The following WT1 variants were observed in gnomAD, a reference collection of about 807,000 sequenced individuals.
WT1 encodes Wilms tumor protein.
A neutral mutation model predicts 60.8 loss-of-function variants in WT1; 8 were observed. The observed-to-expected ratio is 0.13, with a 90% confidence interval of 0.08 to 0.24. The LOEUF is 0.24. Ranked by LOEUF, WT1 falls within the 10% of genes least tolerant of loss-of-function variation. The pLI is 1.00. For synonymous variants in WT1, 312 were observed against 297.1 expected, an observed-to-expected ratio of 1.05 and a Z score of -0.52; for missense variants, 568 against 711.8, an observed-to-expected ratio of 0.80 and a Z score of 2.30.
intron 5 of WT1, among the ~76,000 whole-genome samples, chr11:32,413,495 T>A (rs1002390424): frequency 6.6e-6 from 1 of 152,066 alleles, no homozygotes; most frequent in Non-Finnish European, 1.5e-5. Flanking sequence ...TCTACTGGAA[T>A]TACAGATTCA....
chr11:32,423,616 G>A (rs1396560133), intron 3 of WT1, among the ~76,000 whole-genome samples: 1 of 152,200 alleles, frequency 6.6e-6, no homozygotes, highest in Non-Finnish European at 1.5e-5. Context: ...CAAGTGCAGA[G>A]GGTAGGAGGA....
At chr11:32,418,037 T>C (rs1852734304) in intron 3 of WT1, among the ~76,000 whole-genome samples, 1 of 151,958 alleles carries the variant, frequency 6.6e-6, no homozygotes, top group South Asian at 2.1e-4. Context: ...AGACAGCAGA[T>C]TAATTATTCG....
intron 6 of WT1, among the ~76,000 whole-genome samples, chr11:32,399,304 T>C (rs1032176568): frequency 6.6e-6 from 1 of 152,160 alleles, no homozygotes; most frequent in Non-Finnish European, 1.5e-5. Flanking sequence ...CATGGCATTA[T>C]GCATTTTTCA....
intron 5 of WT1, among the ~76,000 whole-genome samples, chr11:32,402,610 ATCATAGCTCACTGCAGCCTTGAATT>A (rs1489271714): frequency 6.6e-6 from 1 of 152,216 alleles, no homozygotes; most frequent in African/African-American, 2.4e-5. Flanking sequence ...TAGTGGTGCG[ATCATAGCTCACTGCAGCCTTGAATT>A]CCCTGGCTCA....
At chr11:32,421,774 C>T (rs1158086261) in intron 3 of WT1, among the ~76,000 whole-genome samples, 7 of 152,186 alleles carry the variant, frequency 4.6e-5, no homozygotes, top group Non-Finnish European at 8.8e-5. Context: ...ACTCTTCAAA[C>T]GCATGTGTGA....
intron 1 of WT1, among the ~76,000 whole-genome samples, chr11:32,429,422 G>C (rs1160275167): frequency 6.6e-6 from 1 of 150,446 alleles, no homozygotes; most frequent in Non-Finnish European, 1.5e-5. Flanking sequence ...GTAGTGCTTC[G>C]GTCCTTTGCC....
chr11:32,425,678 C>T (rs1457358872), intron 3 of WT1, among the ~76,000 whole-genome samples: 6 of 152,172 alleles, frequency 3.9e-5, no homozygotes, highest in Non-Finnish European at 8.8e-5. Flanking sequence ...AGGGAACAAA[C>T]TCTTCCTACA....
chr11:32,411,392 C>T (rs1051504846), intron 5 of WT1, among the ~76,000 whole-genome samples: 7 of 152,160 alleles, frequency 4.6e-5, no homozygotes. Flanking sequence ...ATGACAACTT[C>T]GTGATGGCCT....
Position 32,434,701 on chromosome 11 carries a change from C to G in WT1, c.660G>C (p.Gln220His). 1 of 1,612,966 alleles carries G rather than the reference C, an allele frequency of 6.2e-7. No homozygotes were observed. The highest frequency in any genetic ancestry group is 8.5e-7 in the Non-Finnish European group (1 of 1,179,956). The stretch of plus-strand genomic sequence containing the variant: ...GGGGGCGCTCCCCGGCCTACTTACC[C>G]TGATTGCGAATAGCGGGCTGGCTCT... Residue 220 changes from glutamine to histidine, a missense_variant and splice_region_variant, in exon 1 of 10, where the codon CAG becomes CAC. By Grantham distance (24) the Gln-to-His change is conservative. Around this residue, in one of 3 missense-constraint regions of WT1, gnomAD observed 523 missense variants for 565.1 expected, o/e 0.93. Transcript: ENST00000452863.
At position 32,430,579 on chromosome 11, in the gene WT1, C is replaced by T. The variant is rs775453593; in HGVS notation, c.662-1960G>A. ...GTAGGCAGGGACCCAGGGCACTGCA[C>T]AATCCTCAGAGCCCTGCTCCGCAAC... is the stretch of plus-strand genomic sequence containing the variant. On this transcript the variant is annotated intron_variant, in intron 1 of 9. Coordinates refer to ENST00000452863, the MANE Select transcript of WT1 (RefSeq NM_024426.6). 1.6e-5 allele frequency: 26 copies of T among 1,608,962 alleles called. No homozygotes were observed. In the African/African-American group the frequency reaches 3.1e-4, roughly 19 times the overall value.
chr11:32,432,816 G>T (rs921545312), intron 1 of WT1, among the ~76,000 whole-genome samples: 13 of 152,164 alleles, frequency 8.5e-5, no homozygotes, highest in African/African-American at 3.1e-4. Context: ...GGACCCAAAC[G>T]AAGCGACAGA....
chr11:32,414,098 T>C (rs1474876858), intron 5 of WT1, among the ~76,000 whole-genome samples: 2 of 152,204 alleles, frequency 1.3e-5, no homozygotes, highest in Middle Eastern at 3.2e-3. Flanking sequence ...AATTCGTGGA[T>C]TTACAGTATG....
chr11:32,392,792 T>C (rs764206826), intron 7 of WT1, 37 bp from the exon 8 acceptor site: 4 of 1,597,878 alleles, frequency 2.5e-6, no homozygotes, highest in Non-Finnish European at 3.4e-6. Flanking sequence ...AAAATGATAC[T>C]GGAAAAGGGG....
At position 32,428,065 on chromosome 11, in the gene WT1, A is replaced by G. The variant is rs758280375; in HGVS notation, c.785-7T>C. On this transcript the variant is annotated splice_polypyrimidine_tract_variant and splice_region_variant and intron_variant, in intron 2 of 9. Transcript: ENST00000452863. ...ACCGAGTACTGCTGCTCACCTGCAGAGAGAACCGAAGACAGCTGAGCGAGT... is the reference window on the plus strand; with the variant it reads ...ACCGAGTACTGCTGCTCACCTGCAGGGAGAACCGAAGACAGCTGAGCGAGT... The G allele has an allele frequency of 6.3e-7, 1 of 1,594,844 alleles. No individual in the cohort carries two copies. The highest frequency in any genetic ancestry group is 8.6e-7 in the Non-Finnish European group (1 of 1,167,446).
chr11:32,430,608 C>T, intron 1 of WT1: 1 of 1,572,394 alleles, frequency 6.4e-7, no homozygotes, highest in Non-Finnish European at 8.6e-7. Flanking sequence ...CCGCAACTGT[C>T]CGTGCCCGGC....
Position 32,434,851 on chromosome 11 carries a change from G to T in WT1, c.510C>A (p.Ser170=). The change falls in exon 1 of 10, where the codon TCC becomes TCA. Residue 170 remains serine, a synonymous_variant. Transcript: ENST00000452863. ...CTCCGGCTGTGCCAGTGAACTGGCC[G>T]GAAAAGTGGACAGTGAAGGCGCTCA... 1 of 1,612,454 alleles carries T rather than the reference G, an allele frequency of 6.2e-7. No individual in the cohort carries two copies. Among genetic ancestry groups the T allele is most frequent in the Non-Finnish European group, 8.5e-7 (1 of 1,179,796 alleles).
intron 3 of WT1, among the ~76,000 whole-genome samples, chr11:32,423,458 A>G (rs900237735): frequency 6.6e-6 from 1 of 152,000 alleles, no homozygotes; most frequent in African/African-American, 2.4e-5. Context: ...CCAAACCACT[A>G]AGAACTTTCT....
intron 1 of WT1, among the ~76,000 whole-genome samples, chr11:32,431,403 G>C (rs891851903): frequency 2.0e-5 from 3 of 151,858 alleles, no homozygotes; most frequent in Non-Finnish European, 1.5e-5. Context: ...AGCCTGCGGG[G>C]CTGCGGGATC....
intron 1 of WT1, among the ~76,000 whole-genome samples, chr11:32,431,037 G>A (rs556637971): frequency 3.3e-5 from 5 of 152,066 alleles, no homozygotes; most frequent in Admixed American, 6.5e-5. Flanking sequence ...CCTTTCCCAC[G>A]GTTAGTCCCG....
Sources: allele counts gnomAD v4.1 joint callset (sites outside exome capture counted in the v4.1 genomes callset), GRCh38; gene constraint gnomAD v4.1.1; regional missense constraint gnomAD v4.1.1; transcripts MANE v1.5; gene names NCBI Gene and HGNC (gene_info 2026-07-23, HGNC 2026-07-21).